Variants in PRH1 observed in about 807,000 individuals in gnomAD.
The protein encoded by PRH1 is proline rich protein HaeIII subfamily 1.
A neutral mutation model predicts 7.9 loss-of-function variants in PRH1; 7 were observed. The observed-to-expected ratio is 0.89, with a 90% CI of 0.50 to 1.67. The LOEUF (loss-of-function observed/expected upper bound fraction) is 1.67. Ranked by LOEUF, PRH1 falls within the 40% of genes most tolerant of loss-of-function variation. The pLI, the probability that PRH1 is intolerant of heterozygous loss-of-function variation, is 0.00. For missense variants in PRH1, 109 were observed against 223.6 expected, an observed-to-expected ratio of 0.49 and a Z score of 3.27; for synonymous variants, 45 against 80.8, an observed-to-expected ratio of 0.56 and a Z score of 2.38.
In PRH1 at chr12:10,933,904, A is replaced by C. The variant is rs114486783; in HGVS notation, c.-59+39751T>G. ...CATATATTCAAATGGAAGGAGTAAA[A>C]TTACCACCACATGCAGATCTGTTTT... On this transcript the variant is annotated intron_variant, in intron 2 of 3. Coordinates refer to the PRH1 transcript ENST00000539853. Among the ~76,000 whole-genome samples the C allele has an allele frequency of 3.4e-3, 521 of 152,272 alleles. 2 individuals carry two copies. The highest frequency in any genetic ancestry group is 0.012 in the African/African-American group (485 of 41,594).
intron 1 of PRH1, among the ~76,000 whole-genome samples, chr12:11,037,196 T>A (rs1565579379): frequency 6.6e-6 from 1 of 152,242 alleles, no homozygotes; most frequent in Non-Finnish European, 1.5e-5. Context: ...TAATACAGTA[T>A]ATCAACTTTA....
chr12:10,913,561 T>A (rs945359645), intron 2 of PRH1, among the ~76,000 whole-genome samples: 7 of 152,254 alleles, frequency 4.6e-5, no homozygotes, highest in African/African-American at 1.7e-4. Flanking sequence ...CTTCTCTTTG[T>A]TATTAGGATT....
At chr12:10,886,291 A>G (rs577010082), upstream of PRH1, among the ~76,000 whole-genome samples, 2 of 152,194 alleles carry the variant, frequency 1.3e-5, no homozygotes, top group Non-Finnish European at 2.9e-5. Flanking sequence ...AACAAAGAGG[A>G]GTGCCAGGCA....
upstream of PRH1, among the ~76,000 whole-genome samples, chr12:11,050,936 T>C (rs796542224): frequency 2.8e-5 from 4 of 143,810 alleles, no homozygotes; most frequent in African/African-American, 1.1e-4. Context: ...GCCACTGCTT[T>C]ATCCAGCCTA....
chr12:11,150,807 A>T (rs1396450907), intron 1 of PRH1, among the ~76,000 whole-genome samples: 1 of 152,186 alleles, frequency 6.6e-6, no homozygotes, highest in African/African-American at 2.4e-5. Context: ...GTACCCTAAA[A>T]CTTAAAGTAT....
At chr12:10,923,856 A>G (rs1267023185) in intron 2 of PRH1, among the ~76,000 whole-genome samples, 2 of 152,182 alleles carry the variant, frequency 1.3e-5, no homozygotes, top group East Asian at 3.8e-4. Flanking sequence ...ATTTATTTAA[A>G]TTCATGAACA....
chr12:11,065,840 C>A (rs955033430), intron 1 of PRH1, among the ~76,000 whole-genome samples: 1 of 152,166 alleles, frequency 6.6e-6, no homozygotes, highest in East Asian at 1.9e-4. Flanking sequence ...TTGGAAGAAA[C>A]TGGAAATTGA....
chr12:11,085,860 A>G (rs1376535763), intron 1 of PRH1, among the ~76,000 whole-genome samples: 1 of 119,694 alleles, frequency 8.4e-6, no homozygotes, highest in Non-Finnish European at 2.0e-5. Context: ...CCAAACTAAT[A>G]CATAGATCAT....
intron 2 of PRH1, chr12:10,930,194 T>C (rs1950183128): frequency 2.5e-5 from 39 of 1,531,810 alleles, no homozygotes; most frequent in Non-Finnish European, 3.5e-5. Context: ...AGAGGTCCTT[T>C]ATCCTCGTAG....
At chr12:11,065,368 G>C (rs945551082) in intron 1 of PRH1, among the ~76,000 whole-genome samples, 6 of 146,578 alleles carry the variant, frequency 4.1e-5, no homozygotes, top group Non-Finnish European at 4.6e-5. Flanking sequence ...TACCACTTTT[G>C]GAAAAATCTC....
At chr12:11,082,310 AT>A (rs1228027370) in intron 1 of PRH1, among the ~76,000 whole-genome samples, 4 of 109,848 alleles carry the variant, frequency 3.6e-5, no homozygotes, top group Non-Finnish European at 8.6e-5. Context: ...TAGATACACA[AT>A]TTTTTTTTTC....
At chr12:11,155,004 T>C (rs1183825521) in intron 1 of PRH1, among the ~76,000 whole-genome samples, 1 of 152,192 alleles carries the variant, frequency 6.6e-6, no homozygotes, top group African/African-American at 2.4e-5. Flanking sequence ...TCTTGCAGTG[T>C]GTCACATCTT....
At chr12:11,156,922 T>C (rs1947269650) in intron 1 of PRH1, among the ~76,000 whole-genome samples, 1 of 150,732 alleles carries the variant, frequency 6.6e-6, no homozygotes. Context: ...CTTGGCTCAC[T>C]GCAAGCTCTG....
intron 1 of PRH1, among the ~76,000 whole-genome samples, chr12:11,152,461 C>T (rs1272318911): frequency 6.6e-6 from 1 of 151,758 alleles, no homozygotes; most frequent in Non-Finnish European, 1.5e-5. Flanking sequence ...TATCACAAAA[C>T]TGTTTTAATA....
intron 2 of PRH1, among the ~76,000 whole-genome samples, chr12:10,962,267 C>A (rs1020555642): frequency 6.8e-6 from 1 of 147,484 alleles, no homozygotes; most frequent in Non-Finnish European, 1.5e-5. Context: ...TAATTCATAA[C>A]TAACTCAATT....
chr12:11,030,537 T>C lies in PRH1; in HGVS notation c.-126+16483A>G, dbSNP rs368983562. 9.8e-5 allele frequency: 158 copies of C among 1,614,094 alleles called. No individual in the cohort carries two copies. The highest frequency in any genetic ancestry group is 1.3e-4 in the Non-Finnish European group (152 of 1,180,008). ...TGGATTGAAGGATAGCTGAATCTAA[T>C]AGCTTTGCAGAACATGAAGACAGGT... On this transcript the variant is annotated intron_variant, in intron 1 of 3. Transcript: ENST00000539853.
intron 1 of PRH1, chr12:11,030,996 A>C: frequency 6.2e-7 from 1 of 1,614,302 alleles, no homozygotes; most frequent in Non-Finnish European, 8.5e-7. Flanking sequence ...ATAAGGTTGG[A>C]GAAATTGGCA....
chr12:11,140,573 T>C (rs1946674639), intron 1 of PRH1, among the ~76,000 whole-genome samples: 1 of 152,168 alleles, frequency 6.6e-6, no homozygotes, highest in Non-Finnish European at 1.5e-5. Flanking sequence ...ATCAATGCTG[T>C]CTTTATGGAA....
intron 2 of PRH1, among the ~76,000 whole-genome samples, chr12:10,901,854 G>A (rs2135810871): frequency 6.6e-6 from 1 of 151,890 alleles, no homozygotes; most frequent in East Asian, 1.9e-4. Context: ...GGGAAATAAA[G>A]AAAAAAATCC....
Sources: gnomAD v4.1 joint callset for allele counts (sites outside exome capture counted in the v4.1 genomes callset) on GRCh38, gnomAD v4.1.1 for gene constraint, MANE v1.5 for transcripts, NCBI Gene and HGNC (gene_info 2026-07-23, HGNC 2026-07-21) for gene names.